WWOX: variants seen among roughly 807,000 people sequenced by gnomAD.
WWOX encodes WW domain containing oxidoreductase.
Under a neutral mutation model 46.2 loss-of-function variants are expected in WWOX, and 69 were observed. The ratio of observed to expected loss-of-function variants is 1.49; its 90% CI spans 1.23 to 1.82. The LOEUF (loss-of-function observed/expected upper bound fraction) is 1.82. Ranked by LOEUF, WWOX falls within the 40% of genes most tolerant of loss-of-function variation. The probability of loss-of-function intolerance (pLI) is 0.00; values close to 1 mark genes in which losing one functional copy is unlikely to be tolerated. For missense variants in WWOX, 919 were observed against 542.6 expected, an observed-to-expected ratio of 1.69 and a Z score of -6.89; for synonymous variants, 359 against 202.6, an observed-to-expected ratio of 1.77 and a Z score of -6.56.
chr16:78,219,452 A>G (rs1463192450), intron 5 of WWOX, among the ~76,000 whole-genome samples: 2 of 152,174 alleles, frequency 1.3e-5, no homozygotes, highest in Non-Finnish European at 2.9e-5. Flanking sequence ...ACAACAACAA[A>G]TCTAATCTAA....
chr16:78,939,711 C>G (rs933577169), intron 8 of WWOX, among the ~76,000 whole-genome samples: 1 of 152,192 alleles, frequency 6.6e-6, no homozygotes, highest in African/African-American at 2.4e-5. Context: ...TGTAGGTACC[C>G]AAGTCTACTG....
Position 78,501,733 on chromosome 16 carries a change from C to G in WWOX, c.1056+68981C>G, listed in dbSNP as rs80216456. 5.0e-3 allele frequency among the ~76,000 whole-genome samples: 754 copies of G among 152,230 alleles called. 9 individuals carry two copies. Among genetic ancestry groups the G allele is most frequent in the East Asian group, 0.038 (199 of 5,180 alleles). ...TGTACTTTTATTAGAGACAGAGTTT[C>G]ACCATGTTGGCCAGGCTGGTCTCGA... On this transcript the variant is annotated intron_variant, in intron 8 of 8. Coordinates refer to ENST00000566780, the MANE Select transcript of WWOX (RefSeq NM_016373.4).
chr16:78,535,054 A>C (rs2667628), intron 8 of WWOX: 103,561 of 152,124 alleles, frequency 0.68, 37,835 homozygotes, highest in East Asian at 0.88. Context: ...ATCCCCGAGC[A>C]CCCAAGTTCC....
chr16:78,781,944 T>C (rs77793908), intron 8 of WWOX, among the ~76,000 whole-genome samples: 1,627 of 152,286 alleles, frequency 0.011, 29 homozygotes, highest in African/African-American at 0.037. Context: ...AATAACATTA[T>C]TCTCTTCATT....
At chr16:78,626,204 C>G (rs188766246) in intron 8 of WWOX, among the ~76,000 whole-genome samples, 18 of 151,962 alleles carry the variant, frequency 1.2e-4, no homozygotes, top group Admixed American at 1.0e-3. Flanking sequence ...GATCTTGGCT[C>G]ACTGCAACCT....
At chr16:78,804,959 T>A (rs8043588) in intron 8 of WWOX, among the ~76,000 whole-genome samples, 1 of 151,740 alleles carries the variant, frequency 6.6e-6, no homozygotes, top group Non-Finnish European at 1.5e-5. Flanking sequence ...CCAATGTCTA[T>A]GGATGGTTTC....
chr16:78,802,167 A>G (rs982789808), intron 8 of WWOX, among the ~76,000 whole-genome samples: 2 of 151,868 alleles, frequency 1.3e-5, no homozygotes, highest in Admixed American at 1.3e-4. Flanking sequence ...ATACAACACA[A>G]AGAGCGAAGT....
At chr16:78,122,114 C>G (rs188264905) in intron 4 of WWOX, among the ~76,000 whole-genome samples, 30 of 152,238 alleles carry the variant, frequency 2.0e-4, no homozygotes, top group African/African-American at 7.0e-4. Flanking sequence ...TGATCTCTTA[C>G]TGTGCCTAAT....
intron 8 of WWOX, among the ~76,000 whole-genome samples, chr16:79,015,810 G>A (rs557947135): frequency 3.9e-5 from 6 of 152,188 alleles, no homozygotes; most frequent in East Asian, 3.9e-4. Context: ...GGAGTGCAGC[G>A]GTGTGATCTT....
intron 5 of WWOX, among the ~76,000 whole-genome samples, chr16:78,186,315 C>T (rs545543045): frequency 7.9e-4 from 120 of 151,394 alleles, no homozygotes; most frequent in African/African-American, 1.3e-3. Flanking sequence ...CAGACATTGC[C>T]GACCTAGAGG....
At chr16:78,406,303 AATATATATATATATATATATATATATAT>A (rs532594425) in intron 6 of WWOX, among the ~76,000 whole-genome samples, 1,136 of 57,864 alleles carry the variant, frequency 0.02, 42 homozygotes, top group African/African-American at 0.022. Context: ...TATAAATATA[AATATATATATATATATATATATATATAT>A]ATATATATAT....
intron 8 of WWOX, among the ~76,000 whole-genome samples, chr16:78,789,353 T>C (rs375712752): frequency 2.2e-4 from 33 of 152,348 alleles, no homozygotes; most frequent in African/African-American, 7.2e-4. Context: ...TTCAACTTTG[T>C]TCTTTTGAAT....
intron 8 of WWOX, among the ~76,000 whole-genome samples, chr16:79,010,642 G>A (rs970386595): frequency 5.9e-5 from 9 of 152,092 alleles, no homozygotes; most frequent in Non-Finnish European, 1.0e-4. Flanking sequence ...AGGAGGAGAC[G>A]GAGAAGTTGG....
chr16:78,403,567 T>C (rs573156829), intron 6 of WWOX, among the ~76,000 whole-genome samples: 9 of 152,266 alleles, frequency 5.9e-5, no homozygotes, highest in Non-Finnish European at 2.9e-5. Context: ...ACTTACCAAG[T>C]GGGTAAAATG....
chr16:78,364,024 T>C (rs1333497398), intron 5 of WWOX, among the ~76,000 whole-genome samples: 3 of 152,170 alleles, frequency 2.0e-5, no homozygotes, highest in Non-Finnish European at 4.4e-5. Context: ...GCTTACATTT[T>C]CTCTTGGCCC....
intron 5 of WWOX, among the ~76,000 whole-genome samples, chr16:78,341,581 C>A (rs4075212): frequency 8.5e-6 from 1 of 118,324 alleles, no homozygotes; most frequent in Non-Finnish European, 2.0e-5. Flanking sequence ...CTCTGAATCA[C>A]TATTGTCACT....
chr16:78,105,319 C>T (rs867329342), intron 1 of WWOX, among the ~76,000 whole-genome samples: 4 of 152,028 alleles, frequency 2.6e-5, no homozygotes, highest in Admixed American at 6.6e-5. Context: ...AAAATTATCC[C>T]GGCATGGTGG....
rs79816243 is a variant in WWOX, at chr16:78,773,656, A to G, written c.1056+340904A>G. 2.3e-3 allele frequency among the ~76,000 whole-genome samples: 345 copies of G among 152,302 alleles called. 7 individuals are homozygous for G. In the East Asian group the frequency reaches 0.047, roughly 21 times the overall value. ...CTCATTGTTTTCCGCTACTCACTGG[A>G]TAGTGTTTATTAAAAACGAAATCAC... On this transcript the variant is annotated intron_variant, in intron 8 of 8. Coordinates refer to ENST00000566780, the MANE Select transcript of WWOX (RefSeq NM_016373.4).
chr16:78,883,931 T>G (rs2044397102), intron 8 of WWOX, among the ~76,000 whole-genome samples: 1 of 152,050 alleles, frequency 6.6e-6, no homozygotes, highest in African/African-American at 2.4e-5. Context: ...GTATAACCAT[T>G]TTGGAAGACT....
Sources: allele counts gnomAD v4.1 joint callset (sites outside exome capture counted in the v4.1 genomes callset), GRCh38; gene constraint gnomAD v4.1.1; transcripts MANE v1.5; gene names NCBI Gene and HGNC (gene_info 2026-07-23, HGNC 2026-07-21).